The following PAG1 variants were observed in gnomAD, a reference collection of about 807,000 sequenced individuals.
PAG1 encodes the protein phosphoprotein membrane anchor with glycosphingolipid microdomains 1.
A neutral mutation model predicts 31.7 loss-of-function variants in PAG1; 23 were observed. The observed-to-expected ratio is 0.73, with a 90% CI of 0.52 to 1.03. PAG1 has a LOEUF of 1.03. PAG1 is among the 50% of genes least tolerant of loss of function. The pLI is 0.00. For synonymous variants in PAG1, 214 were observed against 210.3 expected (o/e 1.02, Z -0.15); for missense variants, 473 against 540.7 (o/e 0.87, Z 1.24).
At chr8:81,062,520 G>C (rs1461509728) in intron 2 of PAG1, among the ~76,000 whole-genome samples, 2 of 152,074 alleles carry the variant, frequency 1.3e-5, no homozygotes, top group Non-Finnish European at 2.9e-5. Flanking sequence ...AAGTTTTCCA[G>C]CTATCCCATT....
At chr8:81,056,732 A>C (rs1383198932) in intron 2 of PAG1, among the ~76,000 whole-genome samples, 5 of 150,688 alleles carry the variant, frequency 3.3e-5, no homozygotes, top group Non-Finnish European at 7.3e-5. Context: ...GATCTAATTA[A>C]ACTAAAGAGC....
At chr8:81,033,168 A>G (rs1808403101) in intron 2 of PAG1, among the ~76,000 whole-genome samples, 1 of 152,180 alleles carries the variant, frequency 6.6e-6, no homozygotes, top group African/African-American at 2.4e-5. Flanking sequence ...TAATATTCCA[A>G]GGATTTGGAT....
At chr8:80,986,737 G>A (rs373794975) in intron 6 of PAG1, among the ~76,000 whole-genome samples, 15 of 151,096 alleles carry the variant, frequency 9.9e-5, no homozygotes, top group East Asian at 9.8e-4. Context: ...GATGACTCCC[G>A]GATGAGAGGG....
intron 2 of PAG1, among the ~76,000 whole-genome samples, 181 bp downstream of exon 2, chr8:81,069,931 T>C (rs1175047671): frequency 6.6e-6 from 1 of 152,228 alleles, no homozygotes; most frequent in African/African-American, 2.4e-5. Context: ...CCTAAGTTGC[T>C]AAATTCAAAT....
intron 1 of PAG1, among the ~76,000 whole-genome samples, chr8:81,074,323 T>C (rs1015863495): frequency 2.0e-5 from 3 of 151,872 alleles, no homozygotes; most frequent in Non-Finnish European, 4.4e-5. Context: ...GTGAGGATCA[T>C]GAGGGAAGAG....
chr8:81,098,333 C>T (rs193241715), intron 1 of PAG1, among the ~76,000 whole-genome samples: 22 of 152,310 alleles, frequency 1.4e-4, no homozygotes, highest in African/African-American at 4.8e-4. Context: ...TTTGGACTGG[C>T]GTCCTACTTC....
At chr8:81,053,622 A>T (rs1367986554) in intron 2 of PAG1, among the ~76,000 whole-genome samples, 2 of 152,228 alleles carry the variant, frequency 1.3e-5, no homozygotes, top group African/African-American at 4.8e-5. Context: ...AGGATAATCA[A>T]TGAACAGCCC....
intron 6 of PAG1, 65 bp from the exon 7 acceptor site, chr8:80,985,442 A>G: frequency 6.7e-7 from 1 of 1,488,838 alleles, no homozygotes; most frequent in Non-Finnish European, 9.0e-7. Context: ...ACCGAGAATC[A>G]GGTAATATAA....
intron 1 of PAG1, among the ~76,000 whole-genome samples, chr8:81,072,591 C>T (rs1383595381): frequency 6.6e-6 from 1 of 152,178 alleles, no homozygotes; most frequent in Admixed American, 6.5e-5. Flanking sequence ...ATAATCCCAG[C>T]TACTTAGGAG....
intron 3 of PAG1, among the ~76,000 whole-genome samples, chr8:80,994,710 A>G (rs1228426257): frequency 6.6e-6 from 1 of 152,216 alleles, no homozygotes; most frequent in Non-Finnish European, 1.5e-5. Flanking sequence ...AGAAATGGTC[A>G]GATTCCTTGT....
intron 2 of PAG1, among the ~76,000 whole-genome samples, chr8:81,034,566 G>GGGCTT (rs1808431912): frequency 6.6e-6 from 1 of 152,160 alleles, no homozygotes; most frequent in Non-Finnish European, 1.5e-5. Flanking sequence ...CCACAATAAA[G>GGGCTT]GGCTTCCTCC....
At chr8:81,043,495 T>G (rs947539461) in intron 2 of PAG1, among the ~76,000 whole-genome samples, 12 of 150,984 alleles carry the variant, frequency 7.9e-5, no homozygotes, top group Non-Finnish European at 1.6e-4. Context: ...ATTTACTGTG[T>G]GTTAGAGAAT....
chr8:81,004,239 C>A (rs1355980508), intron 3 of PAG1, among the ~76,000 whole-genome samples: 1 of 152,242 alleles, frequency 6.6e-6, no homozygotes, highest in African/African-American at 2.4e-5. Flanking sequence ...GAAAATCTTA[C>A]ACAAAAAGCA....
intron 8 of PAG1, among the ~76,000 whole-genome samples, chr8:80,979,480 ACC>A (rs1807253998): frequency 6.6e-6 from 1 of 152,016 alleles, no homozygotes; most frequent in South Asian, 2.1e-4. Flanking sequence ...TATCGAGATG[ACC>A]CCTAGGTTTT....
intron 1 of PAG1, among the ~76,000 whole-genome samples, chr8:81,080,252 T>TA (rs1809243967): frequency 6.6e-6 from 1 of 152,118 alleles, no homozygotes; most frequent in Non-Finnish European, 1.5e-5. Flanking sequence ...TTTTAGTGAC[T>TA]AGCCTTCGTA....
At chr8:80,994,338 C>T (rs990506555) in intron 3 of PAG1, among the ~76,000 whole-genome samples, 1 of 152,196 alleles carries the variant, frequency 6.6e-6, no homozygotes, top group East Asian at 1.9e-4. Context: ...GCTAAGAATA[C>T]ATCCCTGGGA....
intron 2 of PAG1, among the ~76,000 whole-genome samples, chr8:81,047,333 C>T (rs1808658121): frequency 6.6e-6 from 1 of 152,190 alleles, no homozygotes; most frequent in Non-Finnish European, 1.5e-5. Context: ...ATTCCTTTTT[C>T]TCTATAACTT....
At chr8:80,992,670 C>T (rs770810439) in intron 4 of PAG1, among the ~76,000 whole-genome samples, 3 of 152,178 alleles carry the variant, frequency 2.0e-5, no homozygotes, top group Non-Finnish European at 4.4e-5. Context: ...AACTGAAGGT[C>T]TACACTACAC....
chr8:80,991,417 AT>A, intron 5 of PAG1, 61 bp downstream of exon 5: 1 of 1,281,764 alleles, frequency 7.8e-7, no homozygotes, highest in Non-Finnish European at 1.1e-6. Flanking sequence ...GCACACTTAG[AT>A]AAGTAGCTGA....
Sources: gnomAD v4.1 joint callset for allele counts (sites outside exome capture counted in the v4.1 genomes callset) on GRCh38, gnomAD v4.1.1 for gene constraint, MANE v1.5 for transcripts, NCBI Gene and HGNC (gene_info 2026-07-23, HGNC 2026-07-21) for gene names.